Variants in ABCB9 observed in about 807,000 individuals in gnomAD.
The protein encoded by ABCB9 is ABC-type oligopeptide transporter ABCB9.
A neutral mutation model predicts 62.0 loss-of-function variants in ABCB9; 36 were observed. The ratio of observed to expected loss-of-function variants is 0.58; its 90% CI spans 0.45 to 0.77. The LOEUF (loss-of-function observed/expected upper bound fraction) is 0.77, where lower values mean the gene tolerates loss of function less well. Among genes scored for constraint, ABCB9 ranks in the 30% least tolerant of loss-of-function variants. The probability of loss-of-function intolerance (pLI) is 0.00; values close to 1 mark genes in which losing one functional copy is unlikely to be tolerated. For missense variants in ABCB9, 943 were observed against 1,054.7 expected (o/e 0.89, Z 1.47); for synonymous variants, 435 against 461.4 (o/e 0.94, Z 0.73).
At chr12:122,928,653 T>A (rs773015475), downstream of ABCB9, among the ~76,000 whole-genome samples, 10 of 151,774 alleles carry the variant, frequency 6.6e-5, no homozygotes, top group Non-Finnish European at 1.3e-4. Flanking sequence ...ACTGCATGGA[T>A]TGGGGTGGGT....
intron 7 of ABCB9, among the ~76,000 whole-genome samples, chr12:122,941,990 A>C (rs1340894388): frequency 6.6e-6 from 1 of 151,996 alleles, no homozygotes; most frequent in Non-Finnish European, 1.5e-5. Flanking sequence ...CAGCCTCCCA[A>C]AGTGCTGGGA....
At chr12:122,961,236 G>GGAGTACA (rs1306858349) in intron 1 of ABCB9, among the ~76,000 whole-genome samples, 4 of 152,034 alleles carry the variant, frequency 2.6e-5, no homozygotes, top group Non-Finnish European at 4.4e-5. Flanking sequence ...CGCCCAGGCT[G>GGAGTACA]GAGTACAGTG....
At chr12:122,920,886 C>G (rs987682733), downstream of ABCB9, 9 of 798,108 alleles carry the variant, frequency 1.1e-5, no homozygotes, top group Non-Finnish European at 1.8e-5. Context: ...GCACTCCAGC[C>G]TGGGCAACAG....
chr12:122,965,445 T>C (rs887838059), intron 1 of ABCB9, among the ~76,000 whole-genome samples: 2 of 152,180 alleles, frequency 1.3e-5, no homozygotes, highest in Non-Finnish European at 2.9e-5. Context: ...TGGGGGTCCC[T>C]GGCTCTGGGG....
Position 122,955,116 on chromosome 12 carries a change from T to C in ABCB9, c.601+4519A>G, listed in dbSNP as rs564282615. Among the ~76,000 whole-genome samples, 81 of 152,252 alleles carry C rather than the reference T, an allele frequency of 5.3e-4. 1 individual carries two copies. Among genetic ancestry groups the C allele is most frequent in the Admixed American group, 5.2e-3 (80 of 15,296 alleles). On this transcript the variant is annotated intron_variant, in intron 2 of 11. Transcript: ENST00000280560. The stretch of plus-strand genomic sequence containing the variant: ...CTGGCCCTAACACTGATTAAGTATT[T>C]ACTTGTGCTAGGCACCAAGCTTCCT...
Position 122,929,597 on chromosome 12 carries a change from A to G in ABCB9, c.*314T>C. 8.5e-7 allele frequency: 1 copy of G among 1,176,292 alleles called. No individual in the cohort carries two copies. Among genetic ancestry groups the G allele is most frequent in the Non-Finnish European group, 1.0e-6 (1 of 952,710 alleles). The allele number at this position is 1,176,292 out of a possible 1,614,324, so 72.9% of individuals were successfully genotyped here. Reference sequence around the variant, plus strand: ...TAGAAAAAGGTTTTTGAAATCTAGGAGTTGACTGGGGTGCCTCAAACCAAA... The same window carrying G: ...TAGAAAAAGGTTTTTGAAATCTAGGGGTTGACTGGGGTGCCTCAAACCAAA... On this transcript the variant is annotated 3_prime_UTR_variant, in exon 12 of 12. Coordinates refer to ENST00000280560, the MANE Select transcript of ABCB9 (RefSeq NM_019625.4). The surrounding 1 kb of genome is among the most constrained non-coding windows in gnomAD (Gnocchi z 6.0).
chr12:122,973,582 A>G (rs2037316910), intron 1 of ABCB9, among the ~76,000 whole-genome samples: 1 of 122,370 alleles, frequency 8.2e-6, no homozygotes, highest in East Asian at 2.1e-4. Flanking sequence ...AAAAAAGAAA[A>G]AAAAAAAAAA....
At chr12:122,967,704 G>C (rs2037216278), upstream of ABCB9, among the ~76,000 whole-genome samples, 1 of 152,176 alleles carries the variant, frequency 6.6e-6, no homozygotes, top group South Asian at 2.1e-4. Flanking sequence ...GGCCAGGCTG[G>C]TCTCAAACTC....
At chr12:122,924,823 G>T, downstream of ABCB9, 1 of 1,534,750 alleles carries the variant, frequency 6.5e-7, no homozygotes, top group Non-Finnish European at 8.7e-7. Context: ...GTGTGGGACA[G>T]AAGGAGGACA....
intron 10 of ABCB9, among the ~76,000 whole-genome samples, 177 bp downstream of exon 10, chr12:122,935,095 G>A (rs965116135): frequency 2.0e-5 from 3 of 152,308 alleles, no homozygotes; most frequent in Non-Finnish European, 2.9e-5. Context: ...CAGCACTTTG[G>A]GGATTGCAGG....
chr12:122,935,185 T>G, intron 10 of ABCB9, 87 bp downstream of exon 10: 3 of 1,403,848 alleles, frequency 2.1e-6, no homozygotes, highest in South Asian at 1.5e-5. Flanking sequence ...AAAGAGCAGG[T>G]GGCAGGGGGC....
At chr12:122,953,226 T>A (rs1302846528) in intron 2 of ABCB9, 1 of 152,076 alleles carries the variant, frequency 6.6e-6, no homozygotes, top group Non-Finnish European at 1.5e-5. Flanking sequence ...TTTTTTTTTT[T>A]TTTTGAGATG....
downstream of ABCB9, among the ~76,000 whole-genome samples, chr12:122,928,744 C>T (rs1387448033): frequency 6.6e-6 from 1 of 152,064 alleles, no homozygotes; most frequent in Admixed American, 6.6e-5. Flanking sequence ...AGCACAGAGG[C>T]CCCTGGGATT....
intron 7 of ABCB9, among the ~76,000 whole-genome samples, chr12:122,943,742 G>A (rs2035889738): frequency 1.4e-5 from 2 of 147,624 alleles, no homozygotes; most frequent in Admixed American, 1.4e-4. Flanking sequence ...CGATTCTCCT[G>A]CCTCGGCCTC....
At chr12:122,971,998 T>A (rs1391851993) in intron 1 of ABCB9, among the ~76,000 whole-genome samples, 2 of 150,374 alleles carry the variant, frequency 1.3e-5, no homozygotes, top group Non-Finnish European at 3.0e-5. Flanking sequence ...GATGTTATCA[T>A]AATAAAAAGA....
chr12:122,934,654 A>C (rs907083048), intron 10 of ABCB9, among the ~76,000 whole-genome samples: 2 of 151,776 alleles, frequency 1.3e-5, no homozygotes, highest in Non-Finnish European at 2.9e-5. Context: ...AAAAAAAAAA[A>C]AACTAAAAAA....
chr12:122,957,896 G>A (rs940188716), intron 2 of ABCB9, among the ~76,000 whole-genome samples: 1 of 151,088 alleles, frequency 6.6e-6, no homozygotes, highest in Non-Finnish European at 1.5e-5. Context: ...CAGGTCGGGC[G>A]CAGTGGCTCA....
Position 122,929,081 on chromosome 12 carries a change from TC to T in ABCB9, c.*829del. The stretch of plus-strand genomic sequence containing the variant: ...AGCCAGATCCTGGGCTTTGCCACCA[TC>T]CCATCCACCAAAGACAGAAGAGAAT... On this transcript the variant is annotated 3_prime_UTR_variant, in exon 12 of 12. Transcript: ENST00000280560. This position sits in a 1 kb window ranked among gnomAD's most constrained non-coding sequence, Gnocchi z 6.0. 1 of 982,444 alleles carries T rather than the reference TC, an allele frequency of 1.0e-6. No individual in the cohort carries two copies. The highest frequency in any genetic ancestry group is 1.2e-6 in the Non-Finnish European group (1 of 829,206). The allele number at this position is 982,444 out of a possible 1,614,324, so 60.9% of individuals were successfully genotyped here.
Position 122,959,552 on chromosome 12 carries a change from G to A in ABCB9, c.601+83C>T. On this transcript the variant is annotated intron_variant, in intron 2 of 11. Coordinates refer to ENST00000280560, the MANE Select transcript of ABCB9 (RefSeq NM_019625.4). The surrounding 1 kb of genome is among the most constrained non-coding windows in gnomAD (Gnocchi z 5.4). ...TCAATTTGATGTCTGAACCACGTAAGTAAAATCTTTTAAAATCTAAGGCAG... is the reference window on the plus strand; with the variant it reads ...TCAATTTGATGTCTGAACCACGTAAATAAAATCTTTTAAAATCTAAGGCAG... The A allele has an allele frequency of 6.6e-7, 1 of 1,504,394 alleles. No individual in the cohort carries two copies. The allele number at this position is 1,504,394 out of a possible 1,614,324, so 93.2% of individuals were successfully genotyped here.
Sources: allele counts gnomAD v4.1 joint callset (sites outside exome capture counted in the v4.1 genomes callset), GRCh38; gene constraint gnomAD v4.1.1; non-coding constraint Gnocchi (gnomAD v3.1); transcripts MANE v1.5; gene names NCBI Gene and HGNC (gene_info 2026-07-23, HGNC 2026-07-21).